BAZ2B: variants seen among roughly 807,000 people sequenced by gnomAD.
BAZ2B encodes bromodomain adjacent to zinc finger domain 2B, also known as bromodomain adjacent to zinc finger domain protein 2B.
Under a neutral mutation model 246.0 loss-of-function variants are expected in BAZ2B, and 91 were observed. That is an observed-to-expected ratio of 0.37 (90% confidence interval 0.31 to 0.44). The LOEUF (loss-of-function observed/expected upper bound fraction) is 0.44, where lower values mean the gene tolerates loss of function less well. BAZ2B is among the 20% of genes least tolerant of loss of function. The pLI is 1.00. For synonymous variants in BAZ2B, 855 were observed against 860.0 expected, an observed-to-expected ratio of 0.99 and a Z score of 0.10; for missense variants, 2,332 against 2,533.7, an observed-to-expected ratio of 0.92 and a Z score of 1.71.
intron 20 of BAZ2B, among the ~76,000 whole-genome samples, chr2:159,391,205 G>T (rs1576452459): frequency 6.6e-6 from 1 of 152,120 alleles, no homozygotes; most frequent in Non-Finnish European, 1.5e-5. Context: ...TTACTGATTT[G>T]AAAGTAGATA....
chr2:159,323,001 T>C (rs2062904758), intron 36 of BAZ2B, among the ~76,000 whole-genome samples: 2 of 151,698 alleles, frequency 1.3e-5, no homozygotes, highest in Non-Finnish European at 2.9e-5. Flanking sequence ...TAGCTTTTTT[T>C]TTTTTTTTTG....
the BAZ2B span, among the ~76,000 whole-genome samples, chr2:159,661,874 G>A: frequency 2.6e-5 from 4 of 152,004 alleles, no homozygotes; most frequent in South Asian, 8.3e-4. Flanking sequence ...ACCTCCCAAA[G>A]TGCTGGGACT....
intron 6 of BAZ2B, among the ~76,000 whole-genome samples, chr2:159,442,750 C>T (rs767723971): frequency 2.6e-5 from 4 of 152,160 alleles, no homozygotes; most frequent in Non-Finnish European, 4.4e-5. Context: ...TGGAATCATA[C>T]AGTACAGTAT....
At chr2:159,634,508 A>G in the BAZ2B span, among the ~76,000 whole-genome samples, 1 of 152,340 alleles carries the variant, frequency 6.6e-6, no homozygotes, top group Non-Finnish European at 1.5e-5. Context: ...CTTTCATATT[A>G]TACATTGTTG....
intron 31 of BAZ2B, among the ~76,000 whole-genome samples, chr2:159,344,545 AAAG>A (rs1344379552): frequency 4.3e-4 from 64 of 147,534 alleles, no homozygotes; most frequent in Non-Finnish European, 7.3e-4. Context: ...AAAAAAAAAA[AAAG>A]AAAAGAAAAG....
chr2:159,341,773 G>C (rs1478984406), intron 31 of BAZ2B, among the ~76,000 whole-genome samples: 1 of 151,668 alleles, frequency 6.6e-6, no homozygotes, highest in East Asian at 1.9e-4. Context: ...ACAACCACTG[G>C]GTAAAAGAAG....
At chr2:159,339,207 CCT>C (rs1491339770) in intron 31 of BAZ2B, among the ~76,000 whole-genome samples, 2 of 22,978 alleles carry the variant, frequency 8.7e-5, no homozygotes, top group Non-Finnish European at 7.1e-3. Context: ...CCTCCAATGC[CCT>C]CCCCGTCCCT....
the BAZ2B span, among the ~76,000 whole-genome samples, chr2:159,653,176 G>A: frequency 1.3e-5 from 2 of 152,066 alleles, no homozygotes; most frequent in African/African-American, 4.8e-5. Context: ...CTGACCTCAA[G>A]TGATCCACCC....
At chr2:159,497,299 G>A (rs533359436) in intron 2 of BAZ2B, among the ~76,000 whole-genome samples, 1 of 152,300 alleles carries the variant, frequency 6.6e-6, no homozygotes, top group Non-Finnish European at 1.5e-5. Context: ...ATTTTTAAAT[G>A]ATGACAGTTT....
chr2:159,443,766 GA>G (rs201156252), intron 6 of BAZ2B, among the ~76,000 whole-genome samples: 1,703 of 152,242 alleles, frequency 0.011, 20 homozygotes, highest in Non-Finnish European at 0.02. Context: ...TGGGTAGAAA[GA>G]GGTGCCTCTT....
the BAZ2B span, among the ~76,000 whole-genome samples, chr2:159,688,751 C>T: frequency 6.6e-6 from 1 of 152,134 alleles, no homozygotes; most frequent in Non-Finnish European, 1.5e-5. Context: ...ATGACCTTGA[C>T]ATTTTTGAAA....
chr2:159,628,295 T>C, the BAZ2B span, among the ~76,000 whole-genome samples: 1 of 152,228 alleles, frequency 6.6e-6, no homozygotes, highest in African/African-American at 2.4e-5. Flanking sequence ...CCAGTGACTT[T>C]CTTCACAGAA....
At chr2:159,709,972 A>G in the BAZ2B span, among the ~76,000 whole-genome samples, 2 of 128,864 alleles carry the variant, frequency 1.6e-5, no homozygotes, top group Non-Finnish European at 3.5e-5. Context: ...GTGAACAAAG[A>G]TATTTAGATA....
At chr2:159,351,660 G>A (rs1025621362) in intron 27 of BAZ2B, among the ~76,000 whole-genome samples, 11 of 152,290 alleles carry the variant, frequency 7.2e-5, no homozygotes, top group African/African-American at 2.4e-4. Context: ...TATTTGAGGT[G>A]AAAATCTAGA....
chr2:159,399,346 GTTTA>G (rs1403380859), intron 17 of BAZ2B, among the ~76,000 whole-genome samples: 1 of 151,920 alleles, frequency 6.6e-6, no homozygotes, highest in Non-Finnish European at 1.5e-5. Flanking sequence ...GAATGAACCT[GTTTA>G]TTTAAAATTT....
intron 2 of BAZ2B, among the ~76,000 whole-genome samples, chr2:159,537,613 G>A (rs2086170740): frequency 6.6e-6 from 1 of 152,172 alleles, no homozygotes; most frequent in Admixed American, 6.5e-5. Context: ...ACACACAACT[G>A]CTAATTGCTG....
At chr2:159,593,332 C>T (rs557756585) in intron 1 of BAZ2B, among the ~76,000 whole-genome samples, 4 of 152,132 alleles carry the variant, frequency 2.6e-5, no homozygotes, top group Non-Finnish European at 5.9e-5. Context: ...AAATCTTACC[C>T]CTCTTAGGAT....
At chr2:159,438,844 T>C in intron 7 of BAZ2B, 149 bp from the exon 8 acceptor site, 1 of 1,221,892 alleles carries the variant, frequency 8.2e-7, no homozygotes, top group Admixed American at 2.5e-5. Context: ...GTAAAAGAAA[T>C]ACCGTATGTC....
intron 27 of BAZ2B, among the ~76,000 whole-genome samples, chr2:159,372,343 AT>A (rs529983353): frequency 1.8e-4 from 27 of 152,358 alleles, no homozygotes; most frequent in African/African-American, 4.8e-4. Flanking sequence ...GTCAATAGCT[AT>A]TCTAAAATAT....
Sources: gnomAD v4.1 joint callset for allele counts (sites outside exome capture counted in the v4.1 genomes callset) on GRCh38, gnomAD v4.1.1 for gene constraint, MANE v1.5 for transcripts, NCBI Gene and HGNC (gene_info 2026-07-23, HGNC 2026-07-21) for gene names.